NTSR1: variants seen among roughly 807,000 people sequenced by gnomAD.
The protein encoded by NTSR1 is neurotensin receptor 1.
Under a neutral mutation model 31.2 loss-of-function variants are expected in NTSR1, and 29 were observed. The observed-to-expected ratio is 0.93, with a 90% CI of 0.69 to 1.27. The LOEUF is 1.27. Ranked by LOEUF, NTSR1 falls within the 50% of genes most tolerant of loss-of-function variation. NTSR1 has a pLI of 0.00. For synonymous variants in NTSR1, 282 were observed against 269.9 expected, an observed-to-expected ratio of 1.04 and a Z score of -0.44; for missense variants, 697 against 595.4, an observed-to-expected ratio of 1.17 and a Z score of -1.78.
intron 1 of NTSR1, among the ~76,000 whole-genome samples, chr20:62,726,131 G>A (rs1425247014): frequency 6.6e-6 from 1 of 152,188 alleles, no homozygotes; most frequent in African/African-American, 2.4e-5. Context: ...TCCAGCCCGA[G>A]GGGTGAGCAG....
intron 2 of NTSR1, among the ~76,000 whole-genome samples, chr20:62,755,220 CTTCT>C (rs1302267349): frequency 1.4e-5 from 2 of 139,184 alleles, no homozygotes; most frequent in Non-Finnish European, 3.2e-5. Flanking sequence ...TCCATCCATC[CTTCT>C]CTCCCTCCTT....
rs1462806905 is a variant in NTSR1 at position 62,714,753 on chromosome 20, T to A, written c.714+4832T>A. On this transcript the variant is annotated intron_variant, in intron 1 of 3. Transcript: ENST00000370501. The surrounding 1 kb of genome is among the most constrained non-coding windows in gnomAD (Gnocchi z 4.1). The stretch of plus-strand genomic sequence containing the variant: ...ACAACTCGTTCTGTTCTACAAACAG[T>A]GAGGGAATCGGAGACGGTGGCCTGG... 6.6e-6 allele frequency among the ~76,000 whole-genome samples: 1 copy of A among 152,076 alleles called. No homozygotes were observed. Among genetic ancestry groups the A allele is most frequent in the Non-Finnish European group, 1.5e-5 (1 of 68,010 alleles).
rs918975410 is a variant in NTSR1, at chr20:62,758,885, G to A, written c.1007+529G>A. Reference sequence around the variant, plus strand: ...GCTTCCAGGGCCCCCTCCCAGAGGAGCCTCACAGGACGATATGGGGGCCGA... The same window carrying A: ...GCTTCCAGGGCCCCCTCCCAGAGGAACCTCACAGGACGATATGGGGGCCGA... On this transcript the variant is annotated intron_variant, in intron 3 of 3. Transcript: ENST00000370501. The surrounding 1 kb of genome is among the most constrained non-coding windows in gnomAD (Gnocchi z 4.5). 1.3e-5 allele frequency among the ~76,000 whole-genome samples: 2 copies of A among 152,194 alleles called. No homozygotes were observed. The highest frequency in any genetic ancestry group is 4.8e-5 in the African/African-American group (2 of 41,448).
chr20:62,738,931 C>G (rs909848500), intron 1 of NTSR1, among the ~76,000 whole-genome samples: 1 of 152,238 alleles, frequency 6.6e-6, no homozygotes, highest in African/African-American at 2.4e-5. Context: ...CCTGGGCTGC[C>G]TTGTTCTTGA....
chr20:62,720,396 A>G (rs534460656), intron 1 of NTSR1, among the ~76,000 whole-genome samples: 1 of 152,382 alleles, frequency 6.6e-6, no homozygotes, highest in African/African-American at 2.4e-5. Context: ...GAATTGGTCC[A>G]TATAATCTAT....
rs1035633593 is a variant in NTSR1 at position 62,714,083 on chromosome 20, A to C, written c.714+4162A>C. Among the ~76,000 whole-genome samples, 33 of 152,180 alleles carry C rather than the reference A, an allele frequency of 2.2e-4. No individual in the cohort carries two copies. The highest frequency in any genetic ancestry group is 2.0e-3 in the Admixed American group (31 of 15,284). On this transcript the variant is annotated intron_variant, in intron 1 of 3. Coordinates refer to ENST00000370501, the MANE Select transcript of NTSR1 (RefSeq NM_002531.3). The surrounding 1 kb of genome is among the most constrained non-coding windows in gnomAD (Gnocchi z 4.1). ...CCACTGCACTCCAGCCTGGGTGACA[A>C]CTGTCTCAAAGAAAAAAAAAGTTGC...
Position 62,760,059 on chromosome 20 carries a change from AC to A in NTSR1, c.1050del (p.Asn350LysfsTer99), listed in dbSNP as rs1303966289. 3.1e-6 allele frequency: 5 copies of A among 1,614,042 alleles called. No individual in the cohort carries two copies. The Admixed American group carries it at 8.3e-5, about 27-fold the overall frequency. ...DFYHYFYMVT[N>X]ALFYVSSTIN... ...TACCACTACTTCTACATGGTGACCA[AC>A]GCACTCTTCTACGTCAGCTCCACCA... is the stretch of plus-strand genomic sequence containing the variant. On this transcript the variant is annotated frameshift_variant, in exon 4 of 4. Coordinates refer to ENST00000370501, the MANE Select transcript of NTSR1 (RefSeq NM_002531.3). LOFTEE classifies it high-confidence loss of function.
chr20:62,709,928 C>CT lies in NTSR1; in HGVS notation c.714+8dup. On this transcript the variant is annotated splice_region_variant and intron_variant, in intron 1 of 3. Coordinates refer to ENST00000370501, the MANE Select transcript of NTSR1 (RefSeq NM_002531.3). ...CGTCAAGGTCGTCATACAGGTGAGC[C>CT]TCAGTAACCAGCCCCGGGGCTCCCC... 6.3e-7 allele frequency: 1 copy of CT among 1,575,088 alleles called. No individual in the cohort carries two copies.
rs770085412 is a variant in NTSR1 at position 62,754,717 on chromosome 20, G to C, written c.747G>C (p.Met249Ile). ...CCTTCATGTCCTTCATATTCCCCAT[G>C]GTGGTCATCTCGGTCCTGAACACCA... ...VNTFMSFIFP[M>I]VVISVLNTII... The change falls in exon 2 of 4, where the codon ATG becomes ATC. Residue 249 changes from methionine to isoleucine, a missense_variant. Met to Ile is a conservative substitution (Grantham distance 10, BLOSUM62 1). Coordinates refer to ENST00000370501, the MANE Select transcript of NTSR1 (RefSeq NM_002531.3). The C allele has an allele frequency of 2.5e-6, 4 of 1,612,740 alleles. No homozygotes were observed. Among genetic ancestry groups the C allele is most frequent in the Non-Finnish European group, 3.4e-6 (4 of 1,179,790 alleles).
rs891667971 is a variant in NTSR1 at position 62,708,879 on chromosome 20, T to A, written c.-329T>A. 98 of 294,988 alleles carry A rather than the reference T, an allele frequency of 3.3e-4. No individual in the cohort carries two copies. The highest frequency in any genetic ancestry group is 1.9e-3 in the African/African-American group (89 of 45,706). The allele number at this position is 294,988 out of a possible 1,614,324, so 18.3% of individuals were successfully genotyped here. A position where few individuals can be genotyped will look rare whatever the true frequency, so the allele number is the denominator to read the frequency against. ...GCCCGAGCCGGGCTGGGCGCTGTCC[T>A]CGGGGGCCTGGGGAACCGCGCGGTT... On this transcript the variant is annotated 5_prime_UTR_variant, in exon 1 of 4. Transcript: ENST00000370501. The surrounding 1 kb of genome is among the most constrained non-coding windows in gnomAD (Gnocchi z 5.9).
rs1293455634 is a variant in NTSR1 at position 62,711,048 on chromosome 20, G to A, written c.714+1127G>A. Among the ~76,000 whole-genome samples, 2 of 152,178 alleles carry A rather than the reference G, an allele frequency of 1.3e-5. No individual in the cohort carries two copies. Among genetic ancestry groups the A allele is most frequent in the African/African-American group, 2.4e-5 (1 of 41,438 alleles). The stretch of plus-strand genomic sequence containing the variant: ...GCACCCCGCGTATGCCAGTATGCCC[G>A]GTGGGGGTGAGGGCAGCAGTGCCGG... On this transcript the variant is annotated intron_variant, in intron 1 of 3. Transcript: ENST00000370501. This position sits in a 1 kb window ranked among gnomAD's most constrained non-coding sequence, Gnocchi z 6.4.
rs995909242 is a variant in NTSR1 at position 62,745,641 on chromosome 20, A to G, written c.715-9044A>G. Among the ~76,000 whole-genome samples the G allele has an allele frequency of 2.6e-5, 4 of 152,344 alleles. No individual in the cohort carries two copies. Among genetic ancestry groups the G allele is most frequent in the African/African-American group, 4.8e-5 (2 of 41,572 alleles). ...AAAACACAGAGAAAAACACAGAGAC[A>G]TCACAGGAGAAAGATACAAAGACAG... On this transcript the variant is annotated intron_variant, in intron 1 of 3. Coordinates refer to ENST00000370501, the MANE Select transcript of NTSR1 (RefSeq NM_002531.3). This position sits in a 1 kb window ranked among gnomAD's most constrained non-coding sequence, Gnocchi z 4.1.
At chr20:62,719,435 A>G (rs1035525051) in intron 1 of NTSR1, among the ~76,000 whole-genome samples, 2 of 151,770 alleles carry the variant, frequency 1.3e-5, no homozygotes, top group Non-Finnish European at 2.9e-5. Flanking sequence ...TCACATGACC[A>G]TCTCCACCCT....
intron 1 of NTSR1, among the ~76,000 whole-genome samples, chr20:62,718,579 C>A (rs1988776932): frequency 6.9e-6 from 1 of 144,146 alleles, no homozygotes; most frequent in South Asian, 2.4e-4. Flanking sequence ...GGTCCGCTCT[C>A]CTCCCCCACA....
chr20:62,760,218 C>A lies in NTSR1; in HGVS notation c.1208C>A (p.Ser403Tyr). 6.2e-7 allele frequency: 1 copy of A among 1,613,700 alleles called. No individual in the cohort carries two copies. The highest frequency in any genetic ancestry group is 8.5e-7 in the Non-Finnish European group (1 of 1,179,996). The part of the protein sequence containing the change: ...PAFSRKADSV[S>Y]SNHTLSSNAT... Reference sequence around the variant, plus strand: ...TTCTCGAGGAAGGCCGACAGCGTGTCCAGCAACCACACCCTCTCCAGCAAT... The same window carrying A: ...TTCTCGAGGAAGGCCGACAGCGTGTACAGCAACCACACCCTCTCCAGCAAT... The change falls in exon 4 of 4, where the codon TCC becomes TAC. Residue 403 changes from serine (S) to tyrosine (Y), a missense_variant. Physicochemically the swap from Ser to Tyr is moderately radical, Grantham distance 144 (BLOSUM62 -2). Coordinates refer to ENST00000370501, the MANE Select transcript of NTSR1 (RefSeq NM_002531.3).
At chr20:62,747,980 A>G (rs1989330398) in intron 1 of NTSR1, among the ~76,000 whole-genome samples, 1 of 152,218 alleles carries the variant, frequency 6.6e-6, no homozygotes, top group African/African-American at 2.4e-5. Context: ...GTTTGAAACC[A>G]GCCTGGCCAA....
At chr20:62,710,503 C>T (rs966396513) in intron 1 of NTSR1, among the ~76,000 whole-genome samples, 2 of 152,112 alleles carry the variant, frequency 1.3e-5, no homozygotes, top group African/African-American at 4.8e-5. Flanking sequence ...TTTGCATGGC[C>T]CCTGACACAT....
intron 2 of NTSR1, among the ~76,000 whole-genome samples, chr20:62,756,898 G>A (rs931668650): frequency 2.0e-5 from 3 of 152,210 alleles, no homozygotes; most frequent in Admixed American, 6.5e-5. Context: ...ATCTTCTTTG[G>A]AGAAATGTCT....
At chr20:62,728,571 G>T (rs1447818172) in intron 1 of NTSR1, among the ~76,000 whole-genome samples, 1 of 152,240 alleles carries the variant, frequency 6.6e-6, no homozygotes, top group Non-Finnish European at 1.5e-5. Flanking sequence ...TGAAAGTGGA[G>T]GCCGTTTGTG....
Sources: gnomAD v4.1 joint callset for allele counts (sites outside exome capture counted in the v4.1 genomes callset) on GRCh38, gnomAD v4.1.1 for gene constraint, Gnocchi (gnomAD v3.1) non-coding constraint, MANE v1.5 for transcripts, NCBI Gene and HGNC (gene_info 2026-07-23, HGNC 2026-07-21) for gene names.